TTC19: variants seen among roughly 807,000 people sequenced by gnomAD.
TTC19 encodes tetratricopeptide repeat domain 19.
A neutral mutation model predicts 49.5 loss-of-function variants in TTC19; 38 were observed. The observed-to-expected ratio is 0.77, with a 90% CI of 0.59 to 1.01. The LOEUF is 1.01. Ranked by LOEUF, TTC19 falls within the 50% of genes least tolerant of loss-of-function variation. The pLI is 0.00. For missense variants in TTC19, 475 were observed against 477.7 expected (o/e 0.99, Z 0.05); for synonymous variants, 204 against 185.2 (o/e 1.10, Z -0.83).
At chr17:16,019,232 C>T (rs1357680268) in intron 7 of TTC19, among the ~76,000 whole-genome samples, 1 of 152,200 alleles carries the variant, frequency 6.6e-6, no homozygotes, top group Non-Finnish European at 1.5e-5. Context: ...ACTCGGGAGG[C>T]TGAGGCAGGA....
In TTC19 at chr17:16,028,743, C is replaced by T. The variant is rs1313894894; in HGVS notation, c.*1221C>T. On this transcript the variant is annotated 3_prime_UTR_variant, in exon 10 of 10. Coordinates refer to ENST00000261647, the MANE Select transcript of TTC19 (RefSeq NM_017775.4). ...AACTGATACTTTTGGTTCGTATGTACATACTGGAAGAATCTTCATAATAAA... is the reference window on the plus strand; with the variant it reads ...AACTGATACTTTTGGTTCGTATGTATATACTGGAAGAATCTTCATAATAAA... 3 of 396,220 alleles carry T rather than the reference C, an allele frequency of 7.6e-6. No homozygotes were observed. The highest frequency in any genetic ancestry group is 5.7e-5 in the Admixed American group (2 of 35,356). The allele number at this position is 396,220 out of a possible 1,614,324, so 24.5% of individuals were successfully genotyped here.
chr17:16,029,807 C>T (rs1971780689), downstream of TTC19: 1 of 152,578 alleles, frequency 6.6e-6, no homozygotes. Context: ...GAGATTTCTT[C>T]TCCAGGTGAT....
chr17:16,039,255 CAT>C (rs1414551965), intron 2 of TTC19: 12 of 616,096 alleles, frequency 1.9e-5, no homozygotes, highest in Non-Finnish European at 3.1e-5. Context: ...TATTTCTGTT[CAT>C]ATTATAATGT....
At position 16,002,026 on chromosome 17, in the gene TTC19, G is replaced by C. The variant is rs781491387; in HGVS notation, c.423+1G>C. Reference sequence around the variant, plus strand: ...GGCCATCACTTACACTTATGATTTGGTAACTCTTATAACCAGTCTGAACCA... The same window carrying C: ...GGCCATCACTTACACTTATGATTTGCTAACTCTTATAACCAGTCTGAACCA... On this transcript the variant is annotated splice_donor_variant, in intron 3 of 9. Coordinates refer to ENST00000261647, the MANE Select transcript of TTC19 (RefSeq NM_017775.4). LOFTEE classifies it high-confidence loss of function. 3.7e-6 allele frequency: 6 copies of C among 1,605,708 alleles called. No homozygotes were observed. The Admixed American group carries it at 1.0e-4, about 27-fold the overall frequency.
At chr17:16,039,204 C>G (rs1318464011) in intron 2 of TTC19, 1 of 534,284 alleles carries the variant, frequency 1.9e-6, no homozygotes, top group Non-Finnish European at 3.4e-6. Flanking sequence ...AAATGGACAT[C>G]CCAGGAGGGT....
intron 7 of TTC19, among the ~76,000 whole-genome samples, chr17:16,018,509 T>G (rs1247794442): frequency 6.6e-6 from 1 of 152,282 alleles, no homozygotes; most frequent in East Asian, 1.9e-4. Flanking sequence ...TTCTTTTGAT[T>G]TGTTTTTTGT....
At chr17:16,008,932 CT>C (rs1189850556) in intron 7 of TTC19, among the ~76,000 whole-genome samples, 3 of 152,002 alleles carry the variant, frequency 2.0e-5, no homozygotes, top group African/African-American at 7.3e-5. Context: ...GTGTTGTGTG[CT>C]TGTGTTTCTC....
intron 7 of TTC19, among the ~76,000 whole-genome samples, chr17:16,017,434 G>C (rs1390269054): frequency 2.4e-5 from 3 of 126,080 alleles, no homozygotes; most frequent in Non-Finnish European, 4.9e-5. Context: ...GGGCGACAGA[G>C]TGAGACTCCG....
At chr17:16,040,649 T>C (rs2152019248) in intron 2 of TTC19, 1 of 213,448 alleles carries the variant, frequency 4.7e-6, no homozygotes, top group Middle Eastern at 1.3e-3. Flanking sequence ...AATGGAAGTA[T>C]TTTTTTTTTT....
chr17:16,019,122 T>G (rs1226145214), intron 7 of TTC19, among the ~76,000 whole-genome samples: 2 of 152,080 alleles, frequency 1.3e-5, no homozygotes, highest in African/African-American at 4.8e-5. Context: ...CACCTGAGGT[T>G]AGGAGTTCAA....
At chr17:16,013,296 A>G (rs1971126717) in intron 7 of TTC19, among the ~76,000 whole-genome samples, 1 of 152,220 alleles carries the variant, frequency 6.6e-6, no homozygotes, top group East Asian at 1.9e-4. Context: ...TTAGATCAGA[A>G]TTCATTTCTA....
At chr17:16,024,152 A>G (rs1408038930) in intron 7 of TTC19, 2 of 152,104 alleles carry the variant, frequency 1.3e-5, no homozygotes, top group Admixed American at 6.5e-5. Flanking sequence ...TTCTTCTTAC[A>G]TGGCATTAGG....
In TTC19 at chr17:16,022,370, C is replaced by T. The variant is rs114868242; in HGVS notation, c.677-2647C>T. The stretch of plus-strand genomic sequence containing the variant: ...CAGATGGGTTTCATCTATAGTGTTA[C>T]GTTAGATTCTGCTTTATTCCCTCCA... On this transcript the variant is annotated intron_variant, in intron 7 of 9. Coordinates refer to ENST00000261647, the MANE Select transcript of TTC19 (RefSeq NM_017775.4). Among the ~76,000 whole-genome samples the T allele has an allele frequency of 9.6e-3, 1,465 of 152,194 alleles. 20 individuals carry two copies. The highest frequency in any genetic ancestry group is 0.033 in the African/African-American group (1,383 of 41,536).
chr17:16,004,550 A>C (rs762382372), intron 6 of TTC19, among the ~76,000 whole-genome samples: 1 of 152,182 alleles, frequency 6.6e-6, no homozygotes, highest in African/African-American at 2.4e-5. Context: ...TTAGAACTTT[A>C]GTTTAACTTT....
At chr17:16,007,126 C>T (rs541822249) in intron 7 of TTC19, among the ~76,000 whole-genome samples, 18 of 152,212 alleles carry the variant, frequency 1.2e-4, no homozygotes, top group African/African-American at 1.4e-4. Context: ...CAAGAGCTAC[C>T]GAGATGGTAG....
chr17:16,000,009 C>T lies in TTC19; in HGVS notation c.161C>T (p.Pro54Leu), dbSNP rs1970666092. The T allele has an allele frequency of 1.6e-6, 2 of 1,252,198 alleles. No homozygotes were observed. The highest frequency in any genetic ancestry group is 3.2e-5 in the African/African-American group (2 of 63,284). The allele number at this position is 1,252,198 out of a possible 1,614,324, so 77.6% of individuals were successfully genotyped here. The change falls in exon 1 of 10, where the codon CCA becomes CTA. Residue 54 changes from proline (P) to leucine (L), a missense_variant. Pro to Leu is a moderately conservative substitution (Grantham distance 98, BLOSUM62 -3). Coordinates refer to ENST00000261647, the MANE Select transcript of TTC19 (RefSeq NM_017775.4). ...CGAGTCGCGCCGCACGGCCGGGGCC[C>T]AGGCCTGCTGCCGCTGCTGGCAGGT... is the stretch of plus-strand genomic sequence containing the variant. ...PSRVAPHGRG[P>L]GLLPLLAALA...
chr17:16,008,195 T>G (rs1970966507), intron 7 of TTC19, among the ~76,000 whole-genome samples: 1 of 152,206 alleles, frequency 6.6e-6, no homozygotes, highest in African/African-American at 2.4e-5. Context: ...ATTTATACCT[T>G]CAGCCCCAAC....
intron 9 of TTC19, 116 bp from the exon 10 acceptor site, chr17:16,027,258 T>C: frequency 8.2e-7 from 1 of 1,226,674 alleles, no homozygotes; most frequent in Non-Finnish European, 1.2e-6. Context: ...CACCAGCTTG[T>C]CGCTTCATAA....
chr17:16,013,016 C>A (rs548231434), intron 7 of TTC19, among the ~76,000 whole-genome samples: 1 of 152,060 alleles, frequency 6.6e-6, no homozygotes, highest in Non-Finnish European at 1.5e-5. Context: ...CCAGACTGGG[C>A]AACATGGTGA....
Sources: allele counts gnomAD v4.1 joint callset (sites outside exome capture counted in the v4.1 genomes callset), GRCh38; gene constraint gnomAD v4.1.1; transcripts MANE v1.5; gene names NCBI Gene and HGNC (gene_info 2026-07-23, HGNC 2026-07-21).